Variants in ADARB1 observed in about 807,000 individuals in gnomAD.
ADARB1 encodes double-stranded RNA-specific editase 1.
In ADARB1, 10 loss-of-function variants were observed where a neutral mutation model predicts 52.4. The ratio of observed to expected loss-of-function variants is 0.19; its 90% confidence interval spans 0.12 to 0.32. The LOEUF (loss-of-function observed/expected upper bound fraction) is 0.32. ADARB1 is among the 10% of genes least tolerant of loss of function. The pLI is 1.00. For missense variants in ADARB1, 643 were observed against 922.3 expected (o/e 0.70, Z 3.92); for synonymous variants, 349 against 371.1 (o/e 0.94, Z 0.68).
chr21:45,126,800 A>C (rs2088612625), intron 1 of ADARB1, among the ~76,000 whole-genome samples: 1 of 152,194 alleles, frequency 6.6e-6, no homozygotes, highest in African/African-American at 2.4e-5. Flanking sequence ...TGCAGCTTCC[A>C]AAACCCACTC....
At chr21:45,213,260 T>G (rs905803398) in intron 9 of ADARB1, among the ~76,000 whole-genome samples, 2 of 152,234 alleles carry the variant, frequency 1.3e-5, no homozygotes, top group Admixed American at 1.3e-4. Context: ...ATTGGCTGTC[T>G]CTGGGTTTTA....
chr21:45,156,430 ATCATCCATTCG>A (rs1486839446), intron 2 of ADARB1, among the ~76,000 whole-genome samples: 1 of 126,380 alleles, frequency 7.9e-6, no homozygotes, highest in Non-Finnish European at 1.6e-5. Context: ...CCCATCATCC[ATCATCCATTCG>A]TCCATCCATC....
rs2838798 is a variant in ADARB1 at position 45,175,929 on chromosome 21, C to A, written c.228C>A (p.Pro76=). Residue 76 remains proline, a synonymous_variant, in exon 4 of 11, where the codon CCC becomes CCA. Transcript: ENST00000348831. ...AGAAAAGGAGGAAAACACCAGGGCCCGTCCTCCCCAAGAACGCCCTGATGC... is the reference window on the plus strand; with the variant it reads ...AGAAAAGGAGGAAAACACCAGGGCCAGTCCTCCCCAAGAACGCCCTGATGC... ...RLKKRRKTPG[P]VLPKNALMQL... 2 of 1,610,024 alleles carry A rather than the reference C, an allele frequency of 1.2e-6. No homozygotes were observed. Among genetic ancestry groups the A allele is most frequent in the Non-Finnish European group, 1.7e-6 (2 of 1,178,100 alleles).
intron 2 of ADARB1, among the ~76,000 whole-genome samples, chr21:45,166,392 ATCT>A (rs2146080592): frequency 6.6e-6 from 1 of 152,318 alleles, no homozygotes; most frequent in African/African-American, 2.4e-5. Context: ...ATCCAGCTTG[ATCT>A]TCTTCCATGT....
intron 1 of ADARB1, among the ~76,000 whole-genome samples, chr21:45,079,208 T>C (rs982632002): frequency 3.3e-5 from 5 of 152,246 alleles, no homozygotes; most frequent in African/African-American, 7.2e-5. Flanking sequence ...CATCATTTCT[T>C]ATGCTGCTAA....
chr21:45,104,752 G>A (rs1343989585), intron 1 of ADARB1, among the ~76,000 whole-genome samples: 1 of 152,230 alleles, frequency 6.6e-6, no homozygotes, highest in African/African-American at 2.4e-5. Context: ...CTGGCAGGCA[G>A]CCCATGCTGC....
intron 2 of ADARB1, among the ~76,000 whole-genome samples, chr21:45,159,805 G>T (rs1476572062): frequency 3.9e-5 from 6 of 152,180 alleles, no homozygotes; most frequent in Admixed American, 3.9e-4. Context: ...CCCATGGGAG[G>T]CCTGGCCGTG....
chr21:45,164,904 A>C (rs1208959416), intron 2 of ADARB1, among the ~76,000 whole-genome samples: 1 of 152,078 alleles, frequency 6.6e-6, no homozygotes, highest in Non-Finnish European at 1.5e-5. Context: ...GAGGGGAGAG[A>C]GAACCAGGTA....
chr21:45,214,830 T>G (rs922982436), intron 9 of ADARB1, among the ~76,000 whole-genome samples: 2 of 152,240 alleles, frequency 1.3e-5, no homozygotes, highest in South Asian at 4.1e-4. Context: ...AACTTTGTAC[T>G]TTTTCAAAGT....
chr21:45,190,483 T>C (rs367627805), intron 8 of ADARB1, among the ~76,000 whole-genome samples: 1 of 152,180 alleles, frequency 6.6e-6, no homozygotes, highest in East Asian at 1.9e-4. Flanking sequence ...TTTGGTCCTT[T>C]GGTTGGGCTA....
intron 3 of ADARB1, 57 bp downstream of exon 3, chr21:45,171,741 G>T (rs1350337399): frequency 1.8e-5 from 27 of 1,527,560 alleles, no homozygotes; most frequent in East Asian, 4.7e-5. Flanking sequence ...TAACATTTTG[G>T]TGTTTTTGCA....
Position 45,147,970 on chromosome 21 carries a change from C to T in ADARB1, c.-48+19397C>T, listed in dbSNP as rs78214881. Among the ~76,000 whole-genome samples, 780 of 152,226 alleles carry T rather than the reference C, an allele frequency of 5.1e-3. 7 individuals are homozygous for T. The highest frequency in any genetic ancestry group is 0.018 in the African/African-American group (737 of 41,514). ...CTGTGCCAACTGCCTGGTGAGGCTC[C>T]GTCGAGTGATGTGCAGGGCCTTGCG... On this transcript the variant is annotated intron_variant, in intron 2 of 10. Coordinates refer to ENST00000348831, the MANE Select transcript of ADARB1 (RefSeq NM_001112.4).
In ADARB1 at chr21:45,099,863, A is replaced by T. The variant is rs147043460; in HGVS notation, c.-220+25070A>T. Among the ~76,000 whole-genome samples the T allele has an allele frequency of 2.4e-3, 365 of 152,190 alleles. 1 individual carries two copies. The highest frequency in any genetic ancestry group is 7.9e-3 in the African/African-American group (330 of 41,518). On this transcript the variant is annotated intron_variant, in intron 1 of 10. Coordinates refer to ENST00000348831, the MANE Select transcript of ADARB1 (RefSeq NM_001112.4). ...TGTGGGGGCCCTGAAGCCCTCCTAG[A>T]TGCTGGACATTGGTGTGTGTGCAAC...
In ADARB1 at chr21:45,131,316, TG is replaced by T. The variant is rs1209649468; in HGVS notation, c.-48+2745del. ...AGCTGAGTGGCATTACTTTCTGAAA[TG>T]GTCAAACCTGAAGGAAGCAGTGTTC... On this transcript the variant is annotated intron_variant, in intron 2 of 10. Transcript: ENST00000348831. 2.0e-5 allele frequency among the ~76,000 whole-genome samples: 3 copies of T among 152,206 alleles called. No individual in the cohort carries two copies. The South Asian group carries it at 6.2e-4, about 32-fold the overall frequency.
At chr21:45,160,369 C>A (rs1034406807) in intron 2 of ADARB1, among the ~76,000 whole-genome samples, 5 of 152,354 alleles carry the variant, frequency 3.3e-5, no homozygotes, top group African/African-American at 1.2e-4. Context: ...GTTTTAACTC[C>A]CATTAAAAGG....
At chr21:45,080,451 A>G (rs1321239435) in intron 1 of ADARB1, among the ~76,000 whole-genome samples, 1 of 152,200 alleles carries the variant, frequency 6.6e-6, no homozygotes, top group Non-Finnish European at 1.5e-5. Context: ...GGGAGGCAGG[A>G]CTTCTGCACG....
chr21:45,151,843 A>C (rs535973038), intron 2 of ADARB1, among the ~76,000 whole-genome samples: 9 of 152,344 alleles, frequency 5.9e-5, no homozygotes, highest in African/African-American at 2.2e-4. Flanking sequence ...TGCTAGTCAC[A>C]GACTGGCTGT....
chr21:45,148,046 A>G (rs981067648), intron 2 of ADARB1, among the ~76,000 whole-genome samples: 3 of 152,084 alleles, frequency 2.0e-5, no homozygotes, highest in Admixed American at 6.5e-5. Context: ...CATCACTGTC[A>G]GAAACAGGCG....
chr21:45,150,148 G>A (rs555622439), intron 2 of ADARB1, among the ~76,000 whole-genome samples: 156 of 152,314 alleles, frequency 1.0e-3, no homozygotes, highest in Middle Eastern at 0.01. Flanking sequence ...TTAGCCAGAC[G>A]TGGTGGCGCA....
Sources: gnomAD v4.1 joint callset for allele counts (sites outside exome capture counted in the v4.1 genomes callset) on GRCh38, gnomAD v4.1.1 for gene constraint, MANE v1.5 for transcripts, NCBI Gene and HGNC (gene_info 2026-07-23, HGNC 2026-07-21) for gene names.